The following NCOR1 variants were observed in gnomAD, a reference collection of about 807,000 sequenced individuals.
NCOR1 encodes protein phosphatase 1, regulatory subunit 109.
A neutral mutation model predicts 288.1 loss-of-function variants in NCOR1; 63 were observed. That is an observed-to-expected ratio of 0.22 (90% CI 0.18 to 0.27). The LOEUF (loss-of-function observed/expected upper bound fraction) is 0.27, where lower values mean the gene tolerates loss of function less well. Among genes scored for constraint, NCOR1 ranks in the 10% least tolerant of loss-of-function variants. NCOR1 has a pLI of 1.00. For synonymous variants in NCOR1, 1,007 were observed against 1,065.9 expected (o/e 0.94, Z 1.08); for missense variants, 2,397 against 3,019.2 (o/e 0.79, Z 4.83).
chr17:16,122,331 C>T (rs1383488049), intron 15 of NCOR1, among the ~76,000 whole-genome samples: 1 of 152,176 alleles, frequency 6.6e-6, no homozygotes, highest in Non-Finnish European at 1.5e-5. Flanking sequence ...ATAATTCTCT[C>T]CCCTTCAGTC....
chr17:16,049,094 G>C (rs1399145137), intron 40 of NCOR1, 106 bp from the exon 41 acceptor site: 20 of 1,219,116 alleles, frequency 1.6e-5, no homozygotes, highest in Non-Finnish European at 2.2e-5. Context: ...AGGAGCAAAA[G>C]CTGCCAATTT....
chr17:16,209,663 T>C (rs1400235245), intron 1 of NCOR1, among the ~76,000 whole-genome samples: 1 of 143,926 alleles, frequency 6.9e-6, no homozygotes, highest in Non-Finnish European at 1.5e-5. Context: ...CCATAAAGAA[T>C]ACACTCGGCC....
At chr17:16,163,089 G>T (rs2081210385) in intron 5 of NCOR1, among the ~76,000 whole-genome samples, 1 of 151,978 alleles carries the variant, frequency 6.6e-6, no homozygotes. Context: ...AGAAAACACA[G>T]GTATAAATCT....
intron 3 of NCOR1, among the ~76,000 whole-genome samples, chr17:16,176,083 G>A (rs1289261601): frequency 6.6e-6 from 1 of 151,828 alleles, no homozygotes; most frequent in African/African-American, 2.4e-5. Flanking sequence ...GCCAGGTATG[G>A]GGGCACATGC....
At chr17:16,146,828 A>G (rs1001283260) in intron 9 of NCOR1, among the ~76,000 whole-genome samples, 1 of 152,210 alleles carries the variant, frequency 6.6e-6, no homozygotes, top group African/African-American at 2.4e-5. Context: ...GTAGCTGACC[A>G]GTTACTTTTA....
At chr17:16,118,280 G>C (rs1163531568) in intron 17 of NCOR1, among the ~76,000 whole-genome samples, 2 of 152,072 alleles carry the variant, frequency 1.3e-5, no homozygotes, top group East Asian at 3.9e-4. Flanking sequence ...TCCTTCCTAT[G>C]TATCTCTCAC....
intron 14 of NCOR1, among the ~76,000 whole-genome samples, chr17:16,128,659 C>CA (rs1276822006): frequency 2.0e-5 from 3 of 152,256 alleles, no homozygotes; most frequent in African/African-American, 7.2e-5. Flanking sequence ...AATCTTGCCT[C>CA]ATAGCAACTC....
intron 19 of NCOR1, among the ~76,000 whole-genome samples, chr17:16,101,958 TAC>T (rs1321908670): frequency 1.3e-5 from 2 of 152,344 alleles, no homozygotes; most frequent in East Asian, 1.9e-4. Context: ...TAAAGTTTCC[TAC>T]AGAGTATAAA....
At chr17:16,062,296 A>T (rs372252750) in intron 35 of NCOR1, 26 bp from the exon 36 acceptor site, 2 of 1,566,870 alleles carry the variant, frequency 1.3e-6, no homozygotes, top group Non-Finnish European at 1.7e-6. Context: ...AGAGAAAGAA[A>T]CAAAGACATA....
At chr17:16,121,645 G>T (rs971726334) in intron 15 of NCOR1, among the ~76,000 whole-genome samples, 2 of 152,180 alleles carry the variant, frequency 1.3e-5, no homozygotes, top group Non-Finnish European at 2.9e-5. Context: ...TTTGCCTTTA[G>T]TCTAGGTTGC....
chr17:16,152,486 T>C (rs1360245118), intron 7 of NCOR1, among the ~76,000 whole-genome samples: 1 of 152,164 alleles, frequency 6.6e-6, no homozygotes, highest in East Asian at 1.9e-4. Context: ...CATGAACTCA[T>C]CCTTTTTTAT....
chr17:16,096,481 A>G (rs2066641035), intron 21 of NCOR1, among the ~76,000 whole-genome samples: 1 of 152,234 alleles, frequency 6.6e-6, no homozygotes, highest in Non-Finnish European at 1.5e-5. Context: ...GGAGTTAGCC[A>G]TAATCTCTAC....
chr17:16,070,613 A>C (rs2061637669), intron 30 of NCOR1, 88 bp from the exon 31 acceptor site: 12 of 1,517,084 alleles, frequency 7.9e-6, no homozygotes, highest in Non-Finnish European at 8.0e-6. Flanking sequence ...TGGCAGTTAC[A>C]GTTCACTGTG....
chr17:16,111,252 G>A (rs1441516980), intron 18 of NCOR1, among the ~76,000 whole-genome samples: 3 of 152,126 alleles, frequency 2.0e-5, no homozygotes. Context: ...TTCAATATAT[G>A]ATAGTATTCA....
chr17:16,059,927 A>G (rs1371782370), intron 37 of NCOR1, among the ~76,000 whole-genome samples: 7 of 152,150 alleles, frequency 4.6e-5, no homozygotes, highest in African/African-American at 1.4e-4. Context: ...ACTAAAATAA[A>G]TCACTATATT....
At position 16,071,569 on chromosome 17, in the gene NCOR1, G is replaced by A. The variant is rs2152736072; in HGVS notation, c.3992C>T (p.Ala1331Val). 3 of 1,614,012 alleles carry A rather than the reference G, an allele frequency of 1.9e-6. No individual in the cohort carries two copies. Among genetic ancestry groups the A allele is most frequent in the Non-Finnish European group, 2.5e-6 (3 of 1,179,986 alleles). Residue 1331 changes from alanine (A) to valine (V), a missense_variant, in exon 30 of 46, where the codon GCC (alanine) becomes GTC (valine). Ala to Val is a moderately conservative substitution (Grantham distance 64). Transcript: ENST00000268712. ...ATCATATGGTTTTCCTTTGGTAATG[G>A]CACCTTCAAATGCTCGTATGGGAGG... Reference protein sequence around the residue: ...ESPPIRAFEGAITKGKPYDGI... With the variant: ...ESPPIRAFEGVITKGKPYDGI...
rs1258687999 is a variant in NCOR1 at position 16,044,961 on chromosome 17, A to C, written c.6679+1990T>G. 7.0e-6 allele frequency: 4 copies of C among 570,392 alleles called. No homozygotes were observed. In the East Asian group the frequency reaches 9.5e-5, roughly 14 times the overall value. 35.3% of individuals were successfully genotyped at this position (570,392 alleles called of 1,614,324 possible). On this transcript the variant is annotated intron_variant, in intron 42 of 45. Coordinates refer to ENST00000268712, the MANE Select transcript of NCOR1 (RefSeq NM_006311.4). ...CATGGGCTTTTGGTTGTTTTGACTA[A>C]ATTTCTTATAACGTGTTCAATACAA... is the stretch of plus-strand genomic sequence containing the variant.
rs2153390372 is a variant in NCOR1, at chr17:16,153,355, C to A, written c.773G>T (p.Gly258Val). The change falls in exon 7 of 46, where the codon GGC becomes GTC. Residue 258 changes from glycine (G) to valine (V), a missense_variant. By Grantham distance (109) the Gly-to-Val change is moderately radical (BLOSUM62 -3). This residue lies in a region of NCOR1 where 76 missense variants were observed against 102.2 expected (regional missense o/e 0.74). Transcript: ENST00000268712. ...EEAHKIFEGLGPKVELPLYNQ... is the reference protein window; with the variant it reads ...EEAHKIFEGLVPKVELPLYNQ... ...TTTACTTACCAGTTCAACTTTTGGGCCAAGACCTTCAAAAATTTTATGAGC... is the reference window on the plus strand; with the variant it reads ...TTTACTTACCAGTTCAACTTTTGGGACAAGACCTTCAAAAATTTTATGAGC... 1 of 1,600,018 alleles carries A rather than the reference C, an allele frequency of 6.2e-7. No homozygotes were observed.
intron 32 of NCOR1, 106 bp downstream of exon 32, chr17:16,067,788 T>A: frequency 4.6e-6 from 5 of 1,093,172 alleles, no homozygotes; most frequent in Non-Finnish European, 6.4e-6. Flanking sequence ...GAGCTGTACA[T>A]TAATGATATT....
Sources: allele counts gnomAD v4.1 joint callset (sites outside exome capture counted in the v4.1 genomes callset), GRCh38; gene constraint gnomAD v4.1.1; regional missense constraint gnomAD v4.1.1; transcripts MANE v1.5; gene names NCBI Gene and HGNC (gene_info 2026-07-23, HGNC 2026-07-21).